Variants in CAMTA1 observed in about 807,000 individuals in gnomAD.
CAMTA1 encodes the protein calmodulin binding transcription activator 1.
CAMTA1 carries 27 observed loss-of-function variants against 170.9 expected under a neutral mutation model. The observed-to-expected ratio is 0.16, with a 90% CI of 0.12 to 0.22. CAMTA1 has a LOEUF of 0.22. CAMTA1 is among the 10% of genes least tolerant of loss of function. The pLI, the probability that CAMTA1 is intolerant of heterozygous loss-of-function variation, is 1.00. For missense variants in CAMTA1, 1,619 were observed against 2,217.2 expected, an observed-to-expected ratio of 0.73 and a Z score of 5.42; for synonymous variants, 833 against 891.5, an observed-to-expected ratio of 0.93 and a Z score of 1.17.
chr1:7,022,052 A>C (rs940468026), intron 3 of CAMTA1, among the ~76,000 whole-genome samples: 5 of 152,230 alleles, frequency 3.3e-5, no homozygotes, highest in African/African-American at 1.2e-4. Flanking sequence ...TCTGCTTCCC[A>C]GCAGGTCTCC....
intron 4 of CAMTA1, among the ~76,000 whole-genome samples, chr1:7,225,181 C>A (rs2149159796): frequency 6.6e-6 from 1 of 152,150 alleles, no homozygotes; most frequent in East Asian, 1.9e-4. Flanking sequence ...GCCTCCCGGG[C>A]TCATGCCATT....
intron 3 of CAMTA1, among the ~76,000 whole-genome samples, chr1:7,036,934 T>G (rs528483889): frequency 3.2e-4 from 49 of 152,334 alleles, no homozygotes; most frequent in African/African-American, 1.2e-3. Context: ...GCGTGGAGGC[T>G]GTGTTTCAGT....
At chr1:7,294,912 G>A (rs994605121) in intron 5 of CAMTA1, among the ~76,000 whole-genome samples, 2 of 152,234 alleles carry the variant, frequency 1.3e-5, no homozygotes, top group Admixed American at 6.5e-5. Flanking sequence ...CATCTGCCCC[G>A]TGACTCCCGA....
rs2150351680 is a variant in CAMTA1 at position 7,767,913 on chromosome 1, A to G, written c.*1422A>G. The G allele has an allele frequency of 6.6e-6, 1 of 152,284 alleles. No individual in the cohort carries two copies. Among genetic ancestry groups the G allele is most frequent in the South Asian group, 2.1e-4 (1 of 4,800 alleles). 9.4% of individuals were successfully genotyped at this position (152,284 alleles called of 1,614,324 possible). On this transcript the variant is annotated 3_prime_UTR_variant, in exon 23 of 23. Transcript: ENST00000303635. ...CAGAGTAACATTACTTAAAAAAAAA[A>G]GGATATGTTTACATTTAATTTTGGC...
intron 3 of CAMTA1, among the ~76,000 whole-genome samples, chr1:6,938,992 A>G (rs892070967): frequency 6.6e-6 from 1 of 152,140 alleles, no homozygotes; most frequent in African/African-American, 2.4e-5. Context: ...TTTAGCAGAT[A>G]TTTGTCATGC....
At chr1:7,616,276 T>C (rs1246529882) in intron 6 of CAMTA1, among the ~76,000 whole-genome samples, 1 of 152,266 alleles carries the variant, frequency 6.6e-6, no homozygotes. Context: ...TCTGTTTATG[T>C]AAACCTTGAG....
In CAMTA1 at chr1:7,299,957, C is replaced by A. The variant is rs7518271; in HGVS notation, c.438+50331C>A. Among the ~76,000 whole-genome samples the A allele has an allele frequency of 4.4e-3, 673 of 152,280 alleles. 8 individuals are homozygous for A. Among genetic ancestry groups the A allele is most frequent in the Admixed American group, 0.024 (367 of 15,304 alleles). On this transcript the variant is annotated intron_variant, in intron 5 of 22. Coordinates refer to ENST00000303635, the MANE Select transcript of CAMTA1 (RefSeq NM_015215.4). This position sits in a 1 kb window ranked among gnomAD's most constrained non-coding sequence, Gnocchi z 4.7. ...CGAAAGCTTAAGTGTCATTGACTTC[C>A]TAGCAACCCTGACTGTGGTCTGATT...
intron 3 of CAMTA1, among the ~76,000 whole-genome samples, chr1:6,958,258 T>C (rs926029853): frequency 7.2e-5 from 11 of 152,108 alleles, no homozygotes; most frequent in African/African-American, 2.7e-4. Flanking sequence ...GCTTTAACAG[T>C]TTTCAAAATA....
chr1:7,480,396 AGT>A (rs377104355), intron 6 of CAMTA1, among the ~76,000 whole-genome samples: 4,275 of 149,394 alleles, frequency 0.029, 111 homozygotes, highest in African/African-American at 0.064. Flanking sequence ...CGTATATGAG[AGT>A]GTGTGTGTGT....
intron 4 of CAMTA1, among the ~76,000 whole-genome samples, chr1:7,095,171 G>A (rs546574617): frequency 2.7e-4 from 41 of 151,102 alleles, no homozygotes; most frequent in African/African-American, 1.0e-3. Context: ...TTCATTACTT[G>A]ACCCACTCCA....
chr1:7,247,280 G>C (rs1194675423), intron 4 of CAMTA1, among the ~76,000 whole-genome samples: 1 of 152,238 alleles, frequency 6.6e-6, no homozygotes, highest in Non-Finnish European at 1.5e-5. Flanking sequence ...GGTCACCAGA[G>C]GAAGGTGGGT....
intron 3 of CAMTA1, among the ~76,000 whole-genome samples, chr1:7,085,987 G>A (rs941987183): frequency 6.6e-6 from 1 of 152,112 alleles, no homozygotes; most frequent in African/African-American, 2.4e-5. Flanking sequence ...CCTTGGGGAA[G>A]GGCCCACCTG....
At chr1:6,889,951 G>A (rs773141428) in intron 3 of CAMTA1, among the ~76,000 whole-genome samples, 1 of 152,148 alleles carries the variant, frequency 6.6e-6, no homozygotes, top group Non-Finnish European at 1.5e-5. Flanking sequence ...AATGCTTAAA[G>A]CCACTGTCAA....
At chr1:6,945,157 A>G (rs1374529835) in intron 3 of CAMTA1, among the ~76,000 whole-genome samples, 5 of 152,276 alleles carry the variant, frequency 3.3e-5, no homozygotes, top group African/African-American at 4.8e-5. Context: ...GTATGAATCA[A>G]TGAATCTTTT....
In CAMTA1 at chr1:7,065,852, T is replaced by C. The variant is rs753963827; in HGVS notation, c.235-25452T>C. Among the ~76,000 whole-genome samples, 14 of 152,202 alleles carry C rather than the reference T, an allele frequency of 9.2e-5. No individual in the cohort carries two copies. Among genetic ancestry groups the C allele is most frequent in the Admixed American group, 8.5e-4 (13 of 15,284 alleles). On this transcript the variant is annotated intron_variant, in intron 3 of 22. Coordinates refer to ENST00000303635, the MANE Select transcript of CAMTA1 (RefSeq NM_015215.4). The surrounding 1 kb of genome is among the most constrained non-coding windows in gnomAD (Gnocchi z 5.2). Reference sequence around the variant, plus strand: ...TTTAAGGCATGTTTATCTATTCCCTTACATTGTGAAAGAGTAAAGCAGTCT... The same window carrying C: ...TTTAAGGCATGTTTATCTATTCCCTCACATTGTGAAAGAGTAAAGCAGTCT...
chr1:7,087,961 C>T (rs550712427), intron 3 of CAMTA1, among the ~76,000 whole-genome samples: 4 of 152,312 alleles, frequency 2.6e-5, no homozygotes, highest in African/African-American at 9.6e-5. Flanking sequence ...TTTTGCAGGG[C>T]GGGCTCACCT....
chr1:7,284,533 A>G (rs1463662367), intron 5 of CAMTA1, among the ~76,000 whole-genome samples: 1 of 152,052 alleles, frequency 6.6e-6, no homozygotes, highest in Non-Finnish European at 1.5e-5. Flanking sequence ...TGTTATCTGT[A>G]AAATAGAGAC....
At chr1:7,378,093 G>A (rs935563258) in intron 5 of CAMTA1, among the ~76,000 whole-genome samples, 3 of 152,124 alleles carry the variant, frequency 2.0e-5, no homozygotes, top group Admixed American at 6.5e-5. Flanking sequence ...GAACAAGTTC[G>A]CAAACCCCTC....
At chr1:6,889,113 A>G (rs980303145) in intron 3 of CAMTA1, among the ~76,000 whole-genome samples, 1 of 152,366 alleles carries the variant, frequency 6.6e-6, no homozygotes, top group Admixed American at 6.5e-5. Flanking sequence ...TTCTGATCAA[A>G]CCATTAAAGC....
Sources: allele counts gnomAD v4.1 joint callset (sites outside exome capture counted in the v4.1 genomes callset), GRCh38; gene constraint gnomAD v4.1.1; non-coding constraint Gnocchi (gnomAD v3.1); transcripts MANE v1.5; gene names NCBI Gene and HGNC (gene_info 2026-07-23, HGNC 2026-07-21).